The following ULK1 variants were observed in gnomAD, a reference collection of about 807,000 sequenced individuals.
ULK1 encodes the protein serine/threonine-protein kinase ULK1.
In ULK1, 48 loss-of-function variants were observed where a neutral mutation model predicts 117.5. The observed-to-expected ratio is 0.41, with a 90% CI of 0.32 to 0.52. ULK1 has a LOEUF of 0.52. Among genes scored for constraint, ULK1 ranks in the 20% least tolerant of loss-of-function variants. ULK1 has a pLI of 0.29. For synonymous variants in ULK1, 790 were observed against 637.8 expected (o/e 1.24, Z -3.60); for missense variants, 1,387 against 1,473.4 (o/e 0.94, Z 0.96).
chr12:131,909,065 T>C (rs1889404431), intron 7 of ULK1, 71 bp from the exon 8 acceptor site: 3 of 1,607,560 alleles, frequency 1.9e-6, no homozygotes, highest in Non-Finnish European at 2.5e-6. Flanking sequence ...TCTGGTTGGC[T>C]GTGGCCTGGC....
chr12:131,917,660 G>A (rs1049413223), intron 22 of ULK1, 106 bp downstream of exon 22: 2 of 1,145,364 alleles, frequency 1.7e-6, no homozygotes, highest in Admixed American at 4.0e-5. Context: ...GCCCCCCAGA[G>A]CCCAGGGGTG....
rs1239463062 is a variant in ULK1 at position 131,894,714 on chromosome 12, C to CCGGAGT, written c.-271_-266dup. 6.6e-4 allele frequency: 100 copies of CCGGAGT among 151,612 alleles called. No individual in the cohort carries two copies. Among genetic ancestry groups the CCGGAGT allele is most frequent in the African/African-American group, 2.4e-3 (98 of 41,392 alleles). 9.4% of individuals were successfully genotyped at this position (151,612 alleles called of 1,614,324 possible). On this transcript the variant is annotated 5_prime_UTR_variant, in exon 1 of 28. Transcript: ENST00000321867. ...GGCCGAGCCCGGGCCCTAGTTGGAG[C>CCGGAGT]CGGAGTCGGAGTCGGAGTCGGATCC...
chr12:131,910,715 C>T lies in ULK1; in HGVS notation c.863C>T (p.Pro288Leu), dbSNP rs1174235375. ...GACCTATGCATGTTTATCTCAGCCCCACCCGTGCCTGTGCCCTCGTACCCA... is the reference window on the plus strand; with the variant it reads ...GACCTATGCATGTTTATCTCAGCCCTACCCGTGCCTGTGCCCTCGTACCCA... Reference protein sequence around the residue: ...LDASPSVRKSPPVPVPSYPSS... With the variant: ...LDASPSVRKSLPVPVPSYPSS... Residue 288 changes from proline to leucine, a missense_variant, in exon 12 of 28, where the codon CCA (proline) becomes CTA (leucine). Physicochemically the swap from Pro to Leu is moderately conservative, Grantham distance 98. Around this residue, in one of 4 missense-constraint regions of ULK1, gnomAD observed 260 missense variants for 271.6 expected, o/e 0.96. Transcript: ENST00000321867. The T allele has an allele frequency of 2.5e-6, 4 of 1,613,098 alleles. No individual in the cohort carries two copies. The highest frequency in any genetic ancestry group is 3.4e-6 in the Non-Finnish European group (4 of 1,179,916).
rs1888843281 is a variant in ULK1 at position 131,895,821 on chromosome 12, C to T, written c.243C>T (p.Phe81=). 3.7e-6 allele frequency: 6 copies of T among 1,614,030 alleles called. No individual in the cohort carries two copies. Among genetic ancestry groups the T allele is most frequent in the Non-Finnish European group, 5.1e-6 (6 of 1,180,020 alleles). ...KHENIVALYD[F]QEMANSVYLV... is the part of the protein sequence containing the mutation. Reference sequence around the variant, plus strand: ...AAAACATCGTGGCCCTGTACGACTTCCAGGTAAGGCCTCTGGGCTGCGGTC... The same window carrying T: ...AAAACATCGTGGCCCTGTACGACTTTCAGGTAAGGCCTCTGGGCTGCGGTC... Residue 81 remains phenylalanine, a synonymous_variant, in exon 3 of 28, where the codon TTC becomes TTT. Transcript: ENST00000321867.
chr12:131,907,260 A>G (rs1889312441), intron 4 of ULK1, among the ~76,000 whole-genome samples: 1 of 152,184 alleles, frequency 6.6e-6, no homozygotes, highest in African/African-American at 2.4e-5. Context: ...ACTTCAAGCG[A>G]TCTGCCCACC....
Position 131,902,684 on chromosome 12 carries a change from T to A in ULK1, c.247-4208T>A, listed in dbSNP as rs7488085. The stretch of plus-strand genomic sequence containing the variant: ...AATAGGCGGCAAGTTGGGACCCACC[T>A]CCCGGGGTGGGGGTGATGGTGCAGG... On this transcript the variant is annotated intron_variant, in intron 3 of 27. Transcript: ENST00000321867. This position sits in a 1 kb window ranked among gnomAD's most constrained non-coding sequence, Gnocchi z 6.3. Among the ~76,000 whole-genome samples, 1 of 151,860 alleles carries A rather than the reference T, an allele frequency of 6.6e-6. No individual in the cohort carries two copies. Among genetic ancestry groups the A allele is most frequent in the African/African-American group, 2.4e-5 (1 of 41,288 alleles).
Position 131,903,404 on chromosome 12 carries a change from T to C in ULK1, c.247-3488T>C, listed in dbSNP as rs1889159500. Reference sequence around the variant, plus strand: ...TGCCATTTCCCAGCCTGGGCACGCCTCCCAACCTCTGGGGCCTCAGTGTGC... The same window carrying C: ...TGCCATTTCCCAGCCTGGGCACGCCCCCCAACCTCTGGGGCCTCAGTGTGC... On this transcript the variant is annotated intron_variant, in intron 3 of 27. Transcript: ENST00000321867. The surrounding 1 kb of genome is among the most constrained non-coding windows in gnomAD (Gnocchi z 6.0). Among the ~76,000 whole-genome samples, 1 of 152,198 alleles carries C rather than the reference T, an allele frequency of 6.6e-6. No homozygotes were observed. The highest frequency in any genetic ancestry group is 2.4e-5 in the African/African-American group (1 of 41,454).
intron 25 of ULK1, 136 bp from the exon 26 acceptor site, chr12:131,919,843 C>T: frequency 1.5e-6 from 2 of 1,351,576 alleles, no homozygotes; most frequent in South Asian, 2.8e-5. Flanking sequence ...CTGGCCACAC[C>T]CTCAAGGCCA....
In ULK1 at chr12:131,895,809, C is replaced by T; in HGVS notation, c.231C>T (p.Ala77=). 6.2e-7 allele frequency: 1 copy of T among 1,614,158 alleles called. No homozygotes were observed. Among genetic ancestry groups the T allele is most frequent in the Non-Finnish European group, 8.5e-7 (1 of 1,180,012 alleles). Reference sequence around the variant, plus strand: ...AACTGAAACATGAAAACATCGTGGCCCTGTACGACTTCCAGGTAAGGCCTC... The same window carrying T: ...AACTGAAACATGAAAACATCGTGGCTCTGTACGACTTCCAGGTAAGGCCTC... ...LKELKHENIV[A]LYDFQEMANS... is the part of the protein sequence containing the mutation. The change falls in exon 3 of 28, where the codon GCC becomes GCT. Residue 77 remains alanine, a synonymous_variant. Coordinates refer to ENST00000321867, the MANE Select transcript of ULK1 (RefSeq NM_003565.4).
At position 131,920,124 on chromosome 12, in the gene ULK1, C is replaced by G; in HGVS notation, c.2949C>G (p.His983Gln). ...SITAERLIFS[H>Q]AVQMVQSAAL... Reference sequence around the variant, plus strand: ...CTGCCGAGAGGCTCATCTTCAGCCACGCTGTGCAGATGGTACGGGACAGAC... The same window carrying G: ...CTGCCGAGAGGCTCATCTTCAGCCAGGCTGTGCAGATGGTACGGGACAGAC... The change falls in exon 26 of 28, where the codon CAC becomes CAG. Residue 983 changes from histidine to glutamine, a missense_variant. Physicochemically the swap from His to Gln is conservative, Grantham distance 24. Transcript: ENST00000321867. 1.2e-6 allele frequency: 2 copies of G among 1,612,760 alleles called. No individual in the cohort carries two copies. The highest frequency in any genetic ancestry group is 1.7e-6 in the Non-Finnish European group (2 of 1,179,906).
At position 131,918,581 on chromosome 12, in the gene ULK1, C is replaced by G. The variant is rs758635561; in HGVS notation, c.2411C>G (p.Ala804Gly). 6.8e-6 allele frequency: 11 copies of G among 1,610,846 alleles called. No individual in the cohort carries two copies. The East Asian group carries it at 2.2e-4, about 33-fold the overall frequency. ...CSEAPAPELP[A>G]PGHGCSFADP... ...GAGGCCCCAGCCCCTGAGCTCCCTG[C>G]TCCAGGACACGGCTGCAGCTTTGCC... The change falls in exon 23 of 28, where the codon GCT (alanine) becomes GGT (glycine). Residue 804 changes from alanine (A) to glycine (G), a missense_variant. This residue lies in a region of ULK1 where 900 missense variants were observed against 858.9 expected (regional missense o/e 1.05). Transcript: ENST00000321867.
chr12:131,918,684 G>A lies in ULK1; in HGVS notation c.2511+3G>A, dbSNP rs533149806. Reference sequence around the variant, plus strand: ...TCCCTGAGGAGACCCTCATGGAGGTGAGGGCTGGAGTGAGCAAAGGTTCCC... The same window carrying A: ...TCCCTGAGGAGACCCTCATGGAGGTAAGGGCTGGAGTGAGCAAAGGTTCCC... On this transcript the variant is annotated splice_donor_region_variant and intron_variant, in intron 23 of 27. Transcript: ENST00000321867. 3.3e-5 allele frequency: 52 copies of A among 1,580,338 alleles called. No individual in the cohort carries two copies. In the South Asian group the frequency reaches 4.8e-4, roughly 15 times the overall value.
rs573651647 is a variant in ULK1 at position 131,919,111 on chromosome 12, C to G, written c.2512-101C>G. The G allele has an allele frequency of 6.7e-5, 93 of 1,386,708 alleles. No homozygotes were observed. The East Asian group carries it at 1.9e-3, about 29-fold the overall frequency. The allele number at this position is 1,386,708 out of a possible 1,614,324, so 85.9% of individuals were successfully genotyped here. A position where few individuals can be genotyped will look rare whatever the true frequency, so the allele number is the denominator to read the frequency against. On this transcript the variant is annotated intron_variant, in intron 23 of 27. Coordinates refer to ENST00000321867, the MANE Select transcript of ULK1 (RefSeq NM_003565.4). ...GCCCGGGCTGCAGCAGGGGAGGGTA[C>G]CCTGCCCTGCCTCCCCAAGGCGTCA...
At chr12:131,916,682 AG>A in intron 20 of ULK1, 91 bp downstream of exon 20, 1 of 1,388,510 alleles carries the variant, frequency 7.2e-7, no homozygotes, top group Non-Finnish European at 9.4e-7. Context: ...GGGGTAGAAC[AG>A]GAAAAGCCCA....
intron 3 of ULK1, among the ~76,000 whole-genome samples, chr12:131,901,702 G>A (rs777987383): frequency 1.3e-5 from 2 of 152,218 alleles, no homozygotes; most frequent in Admixed American, 6.5e-5. Context: ...GCAGCACCCC[G>A]TGGTGGGACT....
chr12:131,895,225 C>T (rs1888817743), intron 1 of ULK1, 113 bp downstream of exon 1: 1 of 816,934 alleles, frequency 1.2e-6, no homozygotes. Context: ...GAGAGCCCCA[C>T]TCGACTTTCC....
intron 25 of ULK1, 148 bp downstream of exon 25, chr12:131,919,738 G>C: frequency 9.3e-7 from 1 of 1,080,106 alleles, no homozygotes; most frequent in Admixed American, 2.3e-5. Context: ...AGTGTGCAGA[G>C]CACAGAGGCC....
At chr12:131,907,802 G>A (rs914750147) in intron 5 of ULK1, among the ~76,000 whole-genome samples, 131 of 152,314 alleles carry the variant, frequency 8.6e-4, no homozygotes, top group Middle Eastern at 3.4e-3. Context: ...GCACAAACCA[G>A]GGGTGGGGGC....
At chr12:131,913,886 C>G in intron 15 of ULK1, 50 bp downstream of exon 15, 1 of 1,412,938 alleles carries the variant, frequency 7.1e-7, no homozygotes, top group East Asian at 2.7e-5. Flanking sequence ...AGTCCCCCGG[C>G]TGGAGGTTGG....
Sources: allele counts gnomAD v4.1 joint callset (sites outside exome capture counted in the v4.1 genomes callset), GRCh38; gene constraint gnomAD v4.1.1; regional missense constraint gnomAD v4.1.1; non-coding constraint Gnocchi (gnomAD v3.1); transcripts MANE v1.5; gene names NCBI Gene and HGNC (gene_info 2026-07-23, HGNC 2026-07-21).